The following TMEM217 variants were observed in gnomAD, a reference collection of about 807,000 sequenced individuals.
TMEM217 encodes the protein chromosome 6 open reading frame 128.
For missense variants in TMEM217, 204 were observed against 248.8 expected, an observed-to-expected ratio of 0.82 and a Z score of 1.21; for synonymous variants, 76 against 88.3, an observed-to-expected ratio of 0.86 and a Z score of 0.78.
chr6:37,238,066 G>A (rs895120497), intron 1 of TMEM217, among the ~76,000 whole-genome samples: 5 of 151,552 alleles, frequency 3.3e-5, no homozygotes, highest in African/African-American at 1.2e-4. Context: ...TATTTAAAAA[G>A]TAAACAAAAG....
At chr6:37,215,214 G>A (rs1451841275), downstream of TMEM217, 6 of 1,613,796 alleles carry the variant, frequency 3.7e-6, no homozygotes, top group Non-Finnish European at 5.1e-6. Context: ...GACATCTATT[G>A]TGTATCTACA....
rs139432297 is a variant in TMEM217 at position 37,220,957 on chromosome 6, T to C, written c.-11-1916A>G. Among the ~76,000 whole-genome samples, 1,066 of 152,218 alleles carry C rather than the reference T, an allele frequency of 7.0e-3. 9 individuals carry two copies. Among genetic ancestry groups the C allele is most frequent in the Non-Finnish European group, 0.012 (850 of 68,016 alleles). On this transcript the variant is annotated intron_variant, in intron 1 of 1. Coordinates refer to ENST00000357219, the Ensembl canonical transcript of TMEM217. ...AATACACAGATATATATAATATATA[T>C]ACAAGATAAAATTTTACATCTTAAC...
intron 1 of TMEM217, among the ~76,000 whole-genome samples, chr6:37,220,206 G>A (rs182148453): frequency 4.9e-4 from 74 of 152,224 alleles, no homozygotes; most frequent in African/African-American, 1.8e-3. Flanking sequence ...TTAAAATGCT[G>A]GATAAAATAG....
intron 1 of TMEM217, among the ~76,000 whole-genome samples, chr6:37,225,548 A>G (rs935055670): frequency 2.6e-5 from 4 of 152,220 alleles, no homozygotes; most frequent in Admixed American, 2.6e-4. Flanking sequence ...CCTGTGGCAT[A>G]CTGTGGCGTA....
At chr6:37,225,020 A>AC (rs1043704938) in intron 1 of TMEM217, among the ~76,000 whole-genome samples, 11 of 151,344 alleles carry the variant, frequency 7.3e-5, no homozygotes, top group African/African-American at 2.7e-4. Context: ...AAAAAAAAAA[A>AC]AAAAAACACC....
chr6:37,242,533 G>A (rs953306080), intron 1 of TMEM217, among the ~76,000 whole-genome samples: 1 of 152,198 alleles, frequency 6.6e-6, no homozygotes, highest in Non-Finnish European at 1.5e-5. Context: ...AGCCTGTCAT[G>A]CTTTGGTGGT....
At chr6:37,243,115 A>G (rs142801765) in intron 1 of TMEM217, among the ~76,000 whole-genome samples, 198 of 152,246 alleles carry the variant, frequency 1.3e-3, no homozygotes, top group African/African-American at 4.7e-3. Flanking sequence ...CAAAAAAAAG[A>G]GCCCCCTTAA....
chr6:37,222,590 G>A (rs1351653586), intron 1 of TMEM217, among the ~76,000 whole-genome samples: 1 of 152,248 alleles, frequency 6.6e-6, no homozygotes, highest in East Asian at 1.9e-4. Context: ...CAGGTCTGCA[G>A]CCGTGGGTCC....
chr6:37,243,464 A>G (rs1475683097), intron 1 of TMEM217, among the ~76,000 whole-genome samples: 1 of 152,222 alleles, frequency 6.6e-6, no homozygotes, highest in East Asian at 1.9e-4. Context: ...CCTGCTACAC[A>G]GACAAAACCA....
chr6:37,215,196 A>G (rs116076202), downstream of TMEM217: 1,450 of 1,613,264 alleles, frequency 9.0e-4, 10 homozygotes, highest in African/African-American at 0.016. Flanking sequence ...TTCAATACTC[A>G]CTCAGCAGAC....
chr6:37,253,002 A>G lies in TMEM217; in HGVS notation c.-12+4566T>C, dbSNP rs190986422. Among the ~76,000 whole-genome samples, 14 of 152,264 alleles carry G rather than the reference A, an allele frequency of 9.2e-5. No homozygotes were observed. In the East Asian group the frequency reaches 2.7e-3, roughly 29 times the overall value. On this transcript the variant is annotated intron_variant, in intron 1 of 1. Coordinates refer to ENST00000357219, the Ensembl canonical transcript of TMEM217. ...AAAGAAAAGTTCCAGAAGTACCAAG[A>G]TGTATATAATTCTACCCTCTACCAA...
intron 1 of TMEM217, among the ~76,000 whole-genome samples, chr6:37,254,224 C>T (rs936348814): frequency 6.6e-6 from 1 of 152,184 alleles, no homozygotes; most frequent in Non-Finnish European, 1.5e-5. Flanking sequence ...ATATAATCCT[C>T]AGTGATTCAC....
intron 1 of TMEM217, among the ~76,000 whole-genome samples, chr6:37,221,056 A>G (rs1249163336): frequency 6.6e-6 from 1 of 152,080 alleles, no homozygotes; most frequent in African/African-American, 2.4e-5. Context: ...GAACTTTTTC[A>G]TCTTGCAAAA....
At chr6:37,228,564 C>T (rs1763971460) in intron 1 of TMEM217, among the ~76,000 whole-genome samples, 2 of 152,104 alleles carry the variant, frequency 1.3e-5, no homozygotes, top group East Asian at 1.9e-4. Context: ...ATTAGCCAGA[C>T]GTGGTGGCAT....
At chr6:37,246,968 C>G (rs1765121404) in intron 1 of TMEM217, among the ~76,000 whole-genome samples, 1 of 151,812 alleles carries the variant, frequency 6.6e-6, no homozygotes, top group East Asian at 1.9e-4. Flanking sequence ...CAGTACCTAT[C>G]AGGCATGGTT....
At chr6:37,256,172 G>A (rs1359575231) in intron 1 of TMEM217, among the ~76,000 whole-genome samples, 2 of 152,216 alleles carry the variant, frequency 1.3e-5, no homozygotes, top group African/African-American at 4.8e-5. Flanking sequence ...TCACATGGAT[G>A]AGTGTATGGC....
intron 1 of TMEM217, among the ~76,000 whole-genome samples, chr6:37,253,595 G>T (rs4304153): frequency 6.6e-6 from 1 of 152,114 alleles, no homozygotes; most frequent in Non-Finnish European, 1.5e-5. Flanking sequence ...CTATCTCTTA[G>T]GTGGCCCAAC....
exon 1 of TMEM217, chr6:37,258,069 G>GA (rs1765884589): frequency 7.1e-7 from 1 of 1,410,164 alleles, no homozygotes; most frequent in Non-Finnish European, 9.6e-7. Context: ...ACAGAGGCCA[G>GA]AAGACTGGTT....
intron 1 of TMEM217, among the ~76,000 whole-genome samples, chr6:37,253,024 C>A (rs928285179): frequency 6.6e-6 from 1 of 152,122 alleles, no homozygotes; most frequent in East Asian, 1.9e-4. Context: ...CTACCCTCTA[C>A]CAAAATTTGC....
Sources: gnomAD v4.1 joint callset for allele counts (sites outside exome capture counted in the v4.1 genomes callset) on GRCh38, gnomAD v4.1.1 for gene constraint, MANE v1.5 for transcripts, NCBI Gene and HGNC (gene_info 2026-07-23, HGNC 2026-07-21) for gene names.